Variants in UVSSA observed in about 807,000 individuals in gnomAD.
UVSSA encodes UV stimulated scaffold protein A.
A neutral mutation model predicts 73.9 loss-of-function variants in UVSSA; 72 were observed. The observed-to-expected ratio is 0.97, with a 90% CI of 0.81 to 1.19. The LOEUF is 1.19. Among genes scored for constraint, UVSSA ranks in the 50% most tolerant of loss-of-function variants. UVSSA has a pLI of 0.00. For missense variants in UVSSA, 1,150 were observed against 965.0 expected, an observed-to-expected ratio of 1.19 and a Z score of -2.54; for synonymous variants, 454 against 391.3, an observed-to-expected ratio of 1.16 and a Z score of -1.89.
At chr4:1,365,215 G>A (rs2109189708) in intron 7 of UVSSA, among the ~76,000 whole-genome samples, 1 of 152,372 alleles carries the variant, frequency 6.6e-6, no homozygotes. Flanking sequence ...AGGCAGCAGG[G>A]AGGCAGGTGC....
At chr4:1,377,355 TCTCA>T (rs1254473127) in intron 10 of UVSSA, among the ~76,000 whole-genome samples, 1 of 152,188 alleles carries the variant, frequency 6.6e-6, no homozygotes, top group Admixed American at 6.5e-5. Flanking sequence ...CAGGCCCTGG[TCTCA>T]CTCACAGCAG....
Position 1,380,112 on chromosome 4 carries a change from T to C in UVSSA, c.1634T>C (p.Ile545Thr). The change falls in exon 11 of 14, where the codon ATC (isoleucine) becomes ACC (threonine). Residue 545 changes from isoleucine (I) to threonine (T), a missense_variant. Transcript: ENST00000389851. ...GAGGAGGAAGTGGTCAATGCCGACA[T>C]CTCCGAGATGCTCCGGAGCCGCCAC... ...EVEEEVVNADISEMLRSRHIT... is the reference protein window; with the variant it reads ...EVEEEVVNADTSEMLRSRHIT... 6.2e-7 allele frequency: 1 copy of C among 1,612,856 alleles called. No individual in the cohort carries two copies. Among genetic ancestry groups the C allele is most frequent in the Non-Finnish European group, 8.5e-7 (1 of 1,179,900 alleles).
At chr4:1,345,870 A>C (rs1171615246), upstream of UVSSA, among the ~76,000 whole-genome samples, 4 of 151,970 alleles carry the variant, frequency 2.6e-5, no homozygotes, top group Non-Finnish European at 4.4e-5. Context: ...GAGAACTAGT[A>C]ACAACAAAAA....
In UVSSA at chr4:1,349,058, TGGCGTTTGTGCCGGGCGGTG is replaced by T. The variant is rs1386701324; in HGVS notation, c.99-445_99-426del. Among the ~76,000 whole-genome samples, 92 of 55,200 alleles carry T rather than the reference TGGCGTTTGTGCCGGGCGGTG, an allele frequency of 1.7e-3. 2 individuals are homozygous for T. The East Asian group carries it at 0.018, about 11-fold the overall frequency. The allele number at this position is 55,200 out of a possible 152,430, so 36.2% of individuals were successfully genotyped here. On this transcript the variant is annotated intron_variant, in intron 2 of 13. Coordinates refer to ENST00000389851, the MANE Select transcript of UVSSA (RefSeq NM_020894.4). ...GCGGTGTGTGTTTGTGCCGGGCGGT[TGGCGTTTGTGCCGGGCGGTG>T]GGCGTTTGTGCCGGGCGGTGTGTGT...
chr4:1,372,850 T>C (rs1325663328), intron 8 of UVSSA, among the ~76,000 whole-genome samples: 4 of 62,350 alleles, frequency 6.4e-5, no homozygotes, highest in African/African-American at 9.5e-5. Flanking sequence ...GGCACTCACC[T>C]CCCGCGTCCC....
intron 8 of UVSSA, among the ~76,000 whole-genome samples, chr4:1,370,098 G>A (rs10024529): frequency 0.13 from 19,254 of 152,172 alleles, 1,396 homozygotes; most frequent in African/African-American, 0.19. Context: ...GCTTTAACAC[G>A]CTTACCCATC....
In UVSSA at chr4:1,375,268, G is replaced by A. The variant is rs540064701; in HGVS notation, c.1289-96G>A. On this transcript the variant is annotated intron_variant, in intron 8 of 13. Coordinates refer to ENST00000389851, the MANE Select transcript of UVSSA (RefSeq NM_020894.4). ...TCGGGACTGTTGGAAGATGGAACAC[G>A]CTAACGCATAGGCGCGTCCTAACTG... 1,531 of 1,553,200 alleles carry A rather than the reference G, an allele frequency of 9.9e-4. 10 individuals are homozygous for A. Among genetic ancestry groups the A allele is most frequent in the Middle Eastern group, 3.7e-4 (2 of 5,464 alleles).
At chr4:1,367,694 C>G (rs1366737055) in intron 8 of UVSSA, among the ~76,000 whole-genome samples, 2 of 152,092 alleles carry the variant, frequency 1.3e-5, no homozygotes, top group Non-Finnish European at 2.9e-5. Flanking sequence ...TGGCCTGGCC[C>G]ATTCCGGACC....
intron 5 of UVSSA, among the ~76,000 whole-genome samples, chr4:1,354,272 G>T (rs970385568): frequency 2.0e-5 from 3 of 151,944 alleles, no homozygotes; most frequent in Non-Finnish European, 4.4e-5. Context: ...CACTGAGGGT[G>T]CCACAGCGGG....
At position 1,378,805 on chromosome 4, in the gene UVSSA, C is replaced by T. The variant is rs369334501; in HGVS notation, c.1569-1242C>T. Among the ~76,000 whole-genome samples the T allele has an allele frequency of 4.6e-5, 7 of 152,326 alleles. No individual in the cohort carries two copies. In the East Asian group the frequency reaches 7.7e-4, roughly 17 times the overall value. ...GGCACCCTCGGGGGAGCCGCATGTACCTCCTTGACTGCGGGGCACATGGCC... is the reference window on the plus strand; with the variant it reads ...GGCACCCTCGGGGGAGCCGCATGTATCTCCTTGACTGCGGGGCACATGGCC... On this transcript the variant is annotated intron_variant, in intron 10 of 13. Coordinates refer to ENST00000389851, the MANE Select transcript of UVSSA (RefSeq NM_020894.4).
rs968405166 is a variant in UVSSA, at chr4:1,367,480, A to G, written c.1288+1049A>G. Among the ~76,000 whole-genome samples, 5 of 152,232 alleles carry G rather than the reference A, an allele frequency of 3.3e-5. No individual in the cohort carries two copies. The South Asian group carries it at 1.0e-3, about 31-fold the overall frequency. Reference sequence around the variant, plus strand: ...GAAGATATGACCCATTAAGGGTGTCATGCCGAATTAGCACAGCCAGGCTTC... The same window carrying G: ...GAAGATATGACCCATTAAGGGTGTCGTGCCGAATTAGCACAGCCAGGCTTC... On this transcript the variant is annotated intron_variant, in intron 8 of 13. Coordinates refer to ENST00000389851, the MANE Select transcript of UVSSA (RefSeq NM_020894.4).
chr4:1,361,499 T>G (rs1478914598), intron 7 of UVSSA, among the ~76,000 whole-genome samples: 4 of 152,276 alleles, frequency 2.6e-5, no homozygotes, highest in Non-Finnish European at 5.9e-5. Context: ...AGGACACGCC[T>G]ATGGTGCTGT....
intron 5 of UVSSA, chr4:1,354,395 G>A (rs910357241): frequency 3.9e-5 from 13 of 332,110 alleles, no homozygotes; most frequent in South Asian, 8.9e-5. Context: ...CGTGGGCTGT[G>A]GAGGGGAAGG....
chr4:1,379,155 C>T (rs959214764), intron 10 of UVSSA, among the ~76,000 whole-genome samples: 1 of 152,226 alleles, frequency 6.6e-6, no homozygotes, highest in Non-Finnish European at 1.5e-5. Flanking sequence ...CAGAGCCGAC[C>T]GTTCCCCAGT....
chr4:1,378,771 G>A (rs187291671), intron 10 of UVSSA, among the ~76,000 whole-genome samples: 350 of 152,310 alleles, frequency 2.3e-3, no homozygotes, highest in African/African-American at 8.2e-3. Context: ...GCATTTGGCC[G>A]GGCGGTCAGG....
At chr4:1,365,178 T>G (rs2109189484) in intron 7 of UVSSA, among the ~76,000 whole-genome samples, 1 of 152,318 alleles carries the variant, frequency 6.6e-6, no homozygotes, top group Non-Finnish European at 1.5e-5. Flanking sequence ...GCAGCAGCTT[T>G]TGGGAAGAGA....
chr4:1,395,249 G>C lies in UVSSA; in HGVS notation c.*9288G>C. ...TGCCCGCCTGCTCACACGTGCCCAT[G>C]TGGAGTGCCCGCCTGCTCACGTGCC... On this transcript the variant is annotated 3_prime_UTR_variant, in exon 14 of 14. Transcript: ENST00000511216. 1.0e-4 allele frequency: 136 copies of C among 1,298,466 alleles called. 1 individual carries two copies. Among genetic ancestry groups the C allele is most frequent in the African/African-American group, 2.6e-4 (12 of 46,168 alleles). 80.4% of individuals were successfully genotyped at this position (1,298,466 alleles called of 1,614,324 possible). A position where few individuals can be genotyped will look rare whatever the true frequency, so the allele number is the denominator to read the frequency against.
At chr4:1,379,431 C>T (rs958765896) in intron 10 of UVSSA, among the ~76,000 whole-genome samples, 6 of 152,232 alleles carry the variant, frequency 3.9e-5, no homozygotes, top group African/African-American at 1.2e-4. Context: ...CGCCGGAAAG[C>T]GTCCCTAACC....
At position 1,383,835 on chromosome 4, in the gene UVSSA, A is replaced by ACAGCGGGAAAGG; in HGVS notation, c.1935_1946dup (p.Ser645_Gly648dup). 6.2e-7 allele frequency: 1 copy of ACAGCGGGAAAGG among 1,613,498 alleles called. No individual in the cohort carries two copies. The highest frequency in any genetic ancestry group is 8.5e-7 in the Non-Finnish European group (1 of 1,179,996). ...GGGCAGGATCTCGGCTCATCCAGGT[A>ACAGCGGGAAAGG]CAGCGGGAAAGGCAGGGGGAAGAAG... On this transcript the variant is annotated inframe_insertion, in exon 13 of 14. Coordinates refer to ENST00000389851, the MANE Select transcript of UVSSA (RefSeq NM_020894.4).
Sources: allele counts gnomAD v4.1 joint callset (sites outside exome capture counted in the v4.1 genomes callset), GRCh38; gene constraint gnomAD v4.1.1; transcripts MANE v1.5; gene names NCBI Gene and HGNC (gene_info 2026-07-23, HGNC 2026-07-21).